The following SYMPK variants were observed in gnomAD, a reference collection of about 807,000 sequenced individuals.
SYMPK encodes symplekin scaffold protein.
A neutral mutation model predicts 136.4 loss-of-function variants in SYMPK; 49 were observed. That is an observed-to-expected ratio of 0.36 (90% CI 0.29 to 0.46). The LOEUF is 0.46. SYMPK is among the 20% of genes least tolerant of loss of function. The pLI is 1.00. For missense variants in SYMPK, 1,365 were observed against 1,690.0 expected, an observed-to-expected ratio of 0.81 and a Z score of 3.37; for synonymous variants, 766 against 713.0, an observed-to-expected ratio of 1.07 and a Z score of -1.19.
intron 21 of SYMPK, among the ~76,000 whole-genome samples, chr19:45,822,193 A>G (rs1970924300): frequency 7.2e-6 from 1 of 139,754 alleles, no homozygotes; most frequent in African/African-American, 2.7e-5. Flanking sequence ...ATCTCCGCTC[A>G]CTGCAAGCTC....
intron 5 of SYMPK, among the ~76,000 whole-genome samples, chr19:45,851,830 C>T (rs779741012): frequency 2.0e-5 from 3 of 152,044 alleles, no homozygotes; most frequent in African/African-American, 2.4e-5. Context: ...GCCGAGATTG[C>T]GCCACTGCAC....
chr19:45,827,778 C>A, intron 15 of SYMPK, 59 bp downstream of exon 15: 1 of 1,562,694 alleles, frequency 6.4e-7, no homozygotes, highest in South Asian at 1.1e-5. Flanking sequence ...CCCTTCAGAC[C>A]CCTCAGGGCA....
rs1971114221 is a variant in SYMPK, at chr19:45,829,185, G to A, written c.1770C>T (p.Ala590=). 6.2e-7 allele frequency: 1 copy of A among 1,613,704 alleles called. No homozygotes were observed. The highest frequency in any genetic ancestry group is 1.7e-5 in the Admixed American group (1 of 59,992). The change falls in exon 14 of 27, where the codon GCC becomes GCT. Residue 590 remains alanine, a synonymous_variant. Coordinates refer to ENST00000245934, the MANE Select transcript of SYMPK (RefSeq NM_004819.3). ...CCGAGTTGAACTGTGTCACCAGGCT[G>A]GCCAGGATCTTTATGCGGACCTGGT... is the stretch of plus-strand genomic sequence containing the variant. ...GAAQVRIKIL[A]SLVTQFNSGL... is the part of the protein sequence containing the mutation.
At chr19:45,832,831 G>GA (rs1300045872) in intron 11 of SYMPK, among the ~76,000 whole-genome samples, 1 of 131,558 alleles carries the variant, frequency 7.6e-6, no homozygotes, top group Non-Finnish European at 1.6e-5. Context: ...CCAACATGGT[G>GA]AAACCCCATC....
At chr19:45,840,819 G>C (rs1971417748) in intron 9 of SYMPK, among the ~76,000 whole-genome samples, 1 of 151,720 alleles carries the variant, frequency 6.6e-6, no homozygotes, top group African/African-American at 2.4e-5. Flanking sequence ...CTCCAATCTG[G>C]GCAACAGAGC....
At chr19:45,822,960 C>T in intron 20 of SYMPK, 114 bp from the exon 21 acceptor site, 1 of 825,396 alleles carries the variant, frequency 1.2e-6, no homozygotes, top group Non-Finnish European at 2.0e-6. Flanking sequence ...CTCTGGCTCA[C>T]TGAGCCCCTC....
intron 5 of SYMPK, among the ~76,000 whole-genome samples, chr19:45,851,398 G>C (rs1478047632): frequency 6.7e-6 from 1 of 149,714 alleles, no homozygotes; most frequent in Non-Finnish European, 1.5e-5. Context: ...CAACATGGCA[G>C]AAACCCCATC....
At chr19:45,824,684 G>A (rs36096851) in intron 18 of SYMPK, among the ~76,000 whole-genome samples, 17,998 of 152,178 alleles carry the variant, frequency 0.12, 1,415 homozygotes, top group East Asian at 0.34. Context: ...TCTAATCTCA[G>A]GTGCTAGTCT....
chr19:45,850,304 G>C (rs577206475), intron 5 of SYMPK, among the ~76,000 whole-genome samples: 5 of 152,130 alleles, frequency 3.3e-5, no homozygotes, highest in African/African-American at 1.2e-4. Context: ...GTGACCTTAA[G>C]AAAATTCACT....
chr19:45,854,052 C>A, intron 3 of SYMPK, 123 bp downstream of exon 3: 1 of 906,350 alleles, frequency 1.1e-6, no homozygotes. Flanking sequence ...CTGCACTGAG[C>A]ACTGTGGCCG....
At chr19:45,846,937 G>A (rs1600523194) in intron 7 of SYMPK, among the ~76,000 whole-genome samples, 2 of 151,918 alleles carry the variant, frequency 1.3e-5, no homozygotes. Flanking sequence ...GGGATTACAG[G>A]TGCCCGCCAC....
intron 1 of SYMPK, among the ~76,000 whole-genome samples, chr19:45,860,273 T>A (rs1193629335): frequency 7.3e-5 from 11 of 151,550 alleles, no homozygotes; most frequent in Non-Finnish European, 1.3e-4. Flanking sequence ...CTGGCCAACA[T>A]GGTGAAACCT....
chr19:45,856,092 G>C (rs1187280841), intron 1 of SYMPK, among the ~76,000 whole-genome samples: 1 of 152,140 alleles, frequency 6.6e-6, no homozygotes, highest in Non-Finnish European at 1.5e-5. Context: ...GGTGGCTCAC[G>C]CCTGTAATCC....
At chr19:45,845,403 G>A (rs933903073) in intron 7 of SYMPK, among the ~76,000 whole-genome samples, 3 of 152,086 alleles carry the variant, frequency 2.0e-5, no homozygotes, top group African/African-American at 7.2e-5. Flanking sequence ...CTGTCTCCAT[G>A]AGTTCAATTG....
intron 16 of SYMPK, among the ~76,000 whole-genome samples, chr19:45,827,293 G>A (rs1333600076): frequency 2.0e-5 from 3 of 152,222 alleles, no homozygotes; most frequent in Admixed American, 2.0e-4. Context: ...CACACTACAG[G>A]CAGACTCAGG....
At chr19:45,846,582 T>G (rs1971566490) in intron 7 of SYMPK, among the ~76,000 whole-genome samples, 1 of 152,142 alleles carries the variant, frequency 6.6e-6, no homozygotes, top group Non-Finnish European at 1.5e-5. Flanking sequence ...GTCTCTGAGA[T>G]GAAAACACAA....
intron 16 of SYMPK, among the ~76,000 whole-genome samples, chr19:45,827,212 C>T (rs879280274): frequency 1.3e-5 from 2 of 152,220 alleles, no homozygotes; most frequent in African/African-American, 4.8e-5. Flanking sequence ...CTGTGCTGGC[C>T]ACCACGGGTG....
intron 22 of SYMPK, 110 bp from the exon 23 acceptor site, chr19:45,818,256 T>C (rs2146297931): frequency 8.4e-7 from 1 of 1,187,370 alleles, no homozygotes; most frequent in East Asian, 2.7e-5. Flanking sequence ...TCTAAAGCCC[T>C]GACTTCTAAA....
At chr19:45,846,782 C>T (rs1971570930) in intron 7 of SYMPK, among the ~76,000 whole-genome samples, 1 of 150,446 alleles carries the variant, frequency 6.6e-6, no homozygotes, top group Non-Finnish European at 1.5e-5. Flanking sequence ...TTGCTTGACA[C>T]CAAGTGTATA....
Sources: gnomAD v4.1 joint callset for allele counts (sites outside exome capture counted in the v4.1 genomes callset) on GRCh38, gnomAD v4.1.1 for gene constraint, MANE v1.5 for transcripts, NCBI Gene and HGNC (gene_info 2026-07-23, HGNC 2026-07-21) for gene names.